The following CECR2 variants were observed in gnomAD, a reference collection of about 807,000 sequenced individuals.
CECR2 encodes the protein chromatin remodeling regulator CECR2.
CECR2 carries 30 observed loss-of-function variants against 154.5 expected under a neutral mutation model. The observed-to-expected ratio is 0.19, with a 90% CI of 0.15 to 0.26. The LOEUF is 0.26. Ranked by LOEUF, CECR2 falls within the 10% of genes least tolerant of loss-of-function variation. The pLI, the probability that CECR2 is intolerant of heterozygous loss-of-function variation, is 1.00. For synonymous variants in CECR2, 725 were observed against 683.7 expected, an observed-to-expected ratio of 1.06 and a Z score of -0.94; for missense variants, 1,743 against 1,829.3, an observed-to-expected ratio of 0.95 and a Z score of 0.86.
chr22:17,488,127 C>T (rs776532442), intron 2 of CECR2, among the ~76,000 whole-genome samples: 2 of 152,078 alleles, frequency 1.3e-5, no homozygotes, highest in African/African-American at 4.8e-5. Flanking sequence ...GGTGATCTGC[C>T]CCCCCTTGGC....
intron 1 of CECR2, among the ~76,000 whole-genome samples, chr22:17,445,982 G>A (rs895560336): frequency 7.2e-5 from 11 of 152,038 alleles, no homozygotes; most frequent in African/African-American, 2.7e-4. Context: ...TATTATTCCC[G>A]AATGTTTTCT....
At chr22:17,506,957 C>T (rs2055858969) in intron 7 of CECR2, among the ~76,000 whole-genome samples, 1 of 152,140 alleles carries the variant, frequency 6.6e-6, no homozygotes, top group South Asian at 2.1e-4. Flanking sequence ...TTTAGCCTGC[C>T]TTGCCTTTTC....
rs117583382 is a variant in CECR2 at position 17,430,932 on chromosome 22, G to A, written c.127-46656G>A. On this transcript the variant is annotated intron_variant, in intron 1 of 18. Transcript: ENST00000262608. ...CACATCATTAAACCAGATTAACTCTGTTAGTTTTATTTGATCACAACAGTG... is the reference window on the plus strand; with the variant it reads ...CACATCATTAAACCAGATTAACTCTATTAGTTTTATTTGATCACAACAGTG... Among the ~76,000 whole-genome samples the A allele has an allele frequency of 1.9e-3, 294 of 152,224 alleles. 8 individuals carry two copies. The East Asian group carries it at 0.049, about 25-fold the overall frequency.
At chr22:17,394,704 T>A (rs574972019) in intron 1 of CECR2, among the ~76,000 whole-genome samples, 1 of 152,328 alleles carries the variant, frequency 6.6e-6, no homozygotes, top group Admixed American at 6.5e-5. Context: ...TTGATAGGGA[T>A]TACATTGACT....
At chr22:17,490,299 A>G (rs1465521069) in intron 2 of CECR2, among the ~76,000 whole-genome samples, 1 of 152,050 alleles carries the variant, frequency 6.6e-6, no homozygotes, top group Non-Finnish European at 1.5e-5. Context: ...GCTTTGTTAT[A>G]TAGTCCTGGG....
chr22:17,557,874 A>C lies in CECR2; in HGVS notation c.*5034A>C, dbSNP rs1364444138. ...AGCAGCCTTGGCACACAGTGTCTGG[A>C]GCCTCTGCTCCTGCTGCAAAAGCAG... On this transcript the variant is annotated 3_prime_UTR_variant, in exon 19 of 19. Transcript: ENST00000262608. The C allele has an allele frequency of 6.6e-6, 1 of 152,056 alleles. No homozygotes were observed. The allele number at this position is 152,056 out of a possible 1,614,324, so 9.4% of individuals were successfully genotyped here.
At chr22:17,478,237 C>G (rs2055243724) in intron 2 of CECR2, among the ~76,000 whole-genome samples, 1 of 152,100 alleles carries the variant, frequency 6.6e-6, no homozygotes, top group Non-Finnish European at 1.5e-5. Context: ...AACTACAGGG[C>G]AAACTCACAA....
intron 1 of CECR2, 86 bp from the exon 2 acceptor site, chr22:17,477,502 T>C: frequency 1.1e-6 from 1 of 892,970 alleles, no homozygotes; most frequent in East Asian, 2.4e-5. Context: ...CATTCAGTTC[T>C]TGGGGCTTGT....
intron 5 of CECR2, among the ~76,000 whole-genome samples, chr22:17,502,784 C>T (rs753185874): frequency 1.3e-5 from 2 of 152,182 alleles, no homozygotes; most frequent in African/African-American, 4.8e-5. Context: ...GCCTAAGTGA[C>T]AGGGCAAGAC....
intron 2 of CECR2, among the ~76,000 whole-genome samples, chr22:17,485,219 A>G (rs2055399519): frequency 6.6e-6 from 1 of 152,224 alleles, no homozygotes; most frequent in Non-Finnish European, 1.5e-5. Context: ...TTTGAGGCAC[A>G]GAGAAGTTAA....
chr22:17,481,568 T>C (rs761683723), intron 2 of CECR2, among the ~76,000 whole-genome samples: 16 of 152,114 alleles, frequency 1.1e-4, no homozygotes, highest in Non-Finnish European at 2.4e-4. Context: ...GTGGTTTGCA[T>C]GTTTTAGAAC....
rs150740341 is a variant in CECR2 at position 17,487,454 on chromosome 22, C to T, written c.221+9772C>T. The stretch of plus-strand genomic sequence containing the variant: ...GTGGCTCATGCCTGTAATCCCAGCA[C>T]TTTGGGAGGCCGAGGCGGGTGGATC... On this transcript the variant is annotated intron_variant, in intron 2 of 18. Coordinates refer to ENST00000262608, the MANE Select transcript of CECR2 (RefSeq NM_001290047.2). Among the ~76,000 whole-genome samples the T allele has an allele frequency of 9.7e-3, 1,471 of 152,286 alleles. 21 individuals carry two copies. Among genetic ancestry groups the T allele is most frequent in the African/African-American group, 0.034 (1,400 of 41,542 alleles).
At chr22:17,515,028 A>AAAAAAAAAAG (rs2056025921) in intron 8 of CECR2, among the ~76,000 whole-genome samples, 6 of 152,060 alleles carry the variant, frequency 3.9e-5, no homozygotes, top group Admixed American at 3.3e-4. Flanking sequence ...GTCTCAAAAA[A>AAAAAAAAAAG]AAAAAAAAAG....
intron 1 of CECR2, among the ~76,000 whole-genome samples, chr22:17,405,463 AATAAAATAAAAT>A (rs2053967947): frequency 1.1e-5 from 1 of 92,124 alleles, no homozygotes; most frequent in Non-Finnish European, 2.4e-5. Context: ...AAAAATATAA[AATAAAATAAAAT>A]ATAAAATAAA....
In CECR2 at chr22:17,434,650, C is replaced by G. The variant is rs143820432; in HGVS notation, c.127-42938C>G. ...CCACTCTTTTTATGCCCGCACCCCC[C>G]CTGCTGCTCCCCGTAGCTAAGCTGT... On this transcript the variant is annotated intron_variant, in intron 1 of 18. Coordinates refer to ENST00000262608, the MANE Select transcript of CECR2 (RefSeq NM_001290047.2). 4.6e-3 allele frequency among the ~76,000 whole-genome samples: 703 copies of G among 151,366 alleles called. 2 individuals carry two copies. The highest frequency in any genetic ancestry group is 7.7e-3 in the Non-Finnish European group (523 of 67,832).
At chr22:17,423,524 G>A (rs1016936770) in intron 1 of CECR2, among the ~76,000 whole-genome samples, 1 of 151,174 alleles carries the variant, frequency 6.6e-6, no homozygotes, top group East Asian at 1.9e-4. Flanking sequence ...AAAAAAAGAA[G>A]AAGAATTAAG....
chr22:17,421,668 C>A (rs1028172465), intron 1 of CECR2, among the ~76,000 whole-genome samples: 3 of 146,136 alleles, frequency 2.1e-5, no homozygotes, highest in African/African-American at 7.6e-5. Flanking sequence ...TGGCAGGCGC[C>A]TGTTATCCCA....
chr22:17,441,328 G>T (rs902476257), intron 1 of CECR2, among the ~76,000 whole-genome samples: 2 of 152,162 alleles, frequency 1.3e-5, no homozygotes, highest in Non-Finnish European at 2.9e-5. Flanking sequence ...GCCCTAGATA[G>T]ATCTTTCCTG....
chr22:17,505,071 T>G (rs1874255251), intron 7 of CECR2, 55 bp downstream of exon 7: 2 of 1,544,974 alleles, frequency 1.3e-6, no homozygotes, highest in Non-Finnish European at 1.8e-6. Context: ...TGCTGCATTA[T>G]TTAAGGATTA....
Sources: allele counts gnomAD v4.1 joint callset (sites outside exome capture counted in the v4.1 genomes callset), GRCh38; gene constraint gnomAD v4.1.1; transcripts MANE v1.5; gene names NCBI Gene and HGNC (gene_info 2026-07-23, HGNC 2026-07-21).